The following EIF2A variants were observed in gnomAD, a reference collection of about 807,000 sequenced individuals.
The protein encoded by EIF2A is 65 kDa eukaryotic translation initiation factor 2A.
EIF2A carries 62 observed loss-of-function variants against 75.2 expected under a neutral mutation model. The ratio of observed to expected loss-of-function variants is 0.82; its 90% CI spans 0.67 to 1.02. EIF2A has a LOEUF of 1.02. Ranked by LOEUF, EIF2A falls within the 50% of genes least tolerant of loss-of-function variation. EIF2A has a pLI of 0.00. For missense variants in EIF2A, 611 were observed against 677.7 expected (o/e 0.90, Z 1.09); for synonymous variants, 207 against 239.0 (o/e 0.87, Z 1.23).
At chr3:150,583,176 T>C in intron 12 of EIF2A, 24 bp from the exon 13 acceptor site, 1 of 1,606,022 alleles carries the variant, frequency 6.2e-7, no homozygotes, top group Admixed American at 1.7e-5. Context: ...TTCCATGCTC[T>C]TGACTCATAT....
intron 3 of EIF2A, 172 bp downstream of exon 3, chr3:150,558,634 T>C (rs1723697051): frequency 2.2e-6 from 1 of 450,132 alleles, no homozygotes; most frequent in East Asian, 3.9e-5. Flanking sequence ...TTCATTTCTA[T>C]GTATATGCCA....
intron 11 of EIF2A, among the ~76,000 whole-genome samples, chr3:150,577,592 G>C (rs1019804401): frequency 4.6e-5 from 7 of 151,440 alleles, no homozygotes; most frequent in Non-Finnish European, 1.0e-4. Context: ...GTTTTGGCTT[G>C]GTTTTTTTTT....
chr3:150,580,736 G>A (rs745929384), intron 11 of EIF2A, among the ~76,000 whole-genome samples: 10 of 152,144 alleles, frequency 6.6e-5, no homozygotes, highest in Non-Finnish European at 1.2e-4. Flanking sequence ...TGCACTTTGG[G>A]ACCATTATTA....
chr3:150,571,869 G>A (rs2107948375), intron 9 of EIF2A, 89 bp from the exon 10 acceptor site: 1 of 1,202,244 alleles, frequency 8.3e-7, no homozygotes. Flanking sequence ...TGTTTGATGT[G>A]TTTGTGAGTA....
At chr3:150,563,322 G>C (rs1198416549) in intron 4 of EIF2A, among the ~76,000 whole-genome samples, 193 bp from the exon 5 acceptor site, 1 of 152,108 alleles carries the variant, frequency 6.6e-6, no homozygotes, top group Non-Finnish European at 1.5e-5. Context: ...AAGAGATACT[G>C]AGAATCAGTT....
intron 3 of EIF2A, among the ~76,000 whole-genome samples, chr3:150,561,714 AG>A (rs1559877566): frequency 6.6e-6 from 1 of 152,146 alleles, no homozygotes; most frequent in Non-Finnish European, 1.5e-5. Flanking sequence ...TTTCAGCTGA[AG>A]GTGGAATCAT....
In EIF2A at chr3:150,572,287, T is replaced by A. The variant is rs751318276; in HGVS notation, c.1141T>A (p.Leu381Ile). 1.2e-6 allele frequency: 2 copies of A among 1,613,812 alleles called. No individual in the cohort carries two copies. The highest frequency in any genetic ancestry group is 2.7e-5 in the African/African-American group (2 of 74,928). ...HILTATCAPR[L>I]RVNNGYKIWH... Reference sequence around the variant, plus strand: ...TTTAACAGCTACATGTGCTCCCAGGTTACGGGTTAATAATGGATACAAAAT... The same window carrying A: ...TTTAACAGCTACATGTGCTCCCAGGATACGGGTTAATAATGGATACAAAAT... Residue 381 changes from leucine to isoleucine, a missense_variant, in exon 10 of 14, where the codon TTA becomes ATA. Leu to Ile is a conservative substitution (Grantham distance 5). Coordinates refer to ENST00000460851, the MANE Select transcript of EIF2A (RefSeq NM_032025.5).
intron 8 of EIF2A, 35 bp downstream of exon 8, chr3:150,568,081 A>C: frequency 1.2e-6 from 2 of 1,600,458 alleles, no homozygotes; most frequent in Non-Finnish European, 1.7e-6. Flanking sequence ...CCCTTTGTTT[A>C]TCAGTTGTTA....
chr3:150,548,631 T>A (rs1046779475), intron 1 of EIF2A, among the ~76,000 whole-genome samples: 2 of 152,212 alleles, frequency 1.3e-5, no homozygotes, highest in African/African-American at 4.8e-5. Flanking sequence ...GCAAACCCTA[T>A]TTTGAACTGT....
At chr3:150,551,567 C>A (rs1420554510) in intron 1 of EIF2A, among the ~76,000 whole-genome samples, 14 of 142,172 alleles carry the variant, frequency 9.8e-5, no homozygotes, top group Non-Finnish European at 6.1e-5. Flanking sequence ...TCTGTCTCTA[C>A]AAAAAAAAAA....
chr3:150,583,591 C>T (rs1468915417), intron 13 of EIF2A, among the ~76,000 whole-genome samples: 1 of 152,098 alleles, frequency 6.6e-6, no homozygotes, highest in Admixed American at 6.6e-5. Context: ...TTCCCTCCTC[C>T]TGTCAACATG....
In EIF2A at chr3:150,564,395, T is replaced by C; in HGVS notation, c.475+14T>C. 1 of 1,565,820 alleles carries C rather than the reference T, an allele frequency of 6.4e-7. No individual in the cohort carries two copies. The highest frequency in any genetic ancestry group is 1.2e-5 in the South Asian group (1 of 82,952). ...ACAACAATTTTAGTATGGAAAGATTTATGACATAATTTTATTACTTACTGT... is the reference window on the plus strand; with the variant it reads ...ACAACAATTTTAGTATGGAAAGATTCATGACATAATTTTATTACTTACTGT... On this transcript the variant is annotated intron_variant, in intron 6 of 13. Coordinates refer to ENST00000460851, the MANE Select transcript of EIF2A (RefSeq NM_032025.5).
intron 3 of EIF2A, among the ~76,000 whole-genome samples, chr3:150,562,305 C>T (rs917249085): frequency 2.0e-5 from 3 of 151,740 alleles, no homozygotes; most frequent in African/African-American, 7.3e-5. Flanking sequence ...ACCTGTAGTC[C>T]CAGCTACTTG....
chr3:150,583,821 A>T (rs1203045820), intron 13 of EIF2A, 25 bp from the exon 14 acceptor site: 1 of 1,608,626 alleles, frequency 6.2e-7, no homozygotes, highest in Non-Finnish European at 8.5e-7. Flanking sequence ...TTTCATAATA[A>T]CTTCATTGTT....
At chr3:150,548,865 G>A (rs921089378) in intron 1 of EIF2A, among the ~76,000 whole-genome samples, 1 of 152,152 alleles carries the variant, frequency 6.6e-6, no homozygotes, top group Non-Finnish European at 1.5e-5. Flanking sequence ...ACTGCAAATT[G>A]GCAGGATTAG....
At chr3:150,559,974 T>C (rs1723766521) in intron 3 of EIF2A, among the ~76,000 whole-genome samples, 1 of 152,234 alleles carries the variant, frequency 6.6e-6, no homozygotes, top group African/African-American at 2.4e-5. Flanking sequence ...TAGTTTGTAG[T>C]ATTTGAGTAA....
chr3:150,552,255 A>T, intron 1 of EIF2A, 101 bp from the exon 2 acceptor site: 1 of 903,896 alleles, frequency 1.1e-6, no homozygotes, highest in Non-Finnish European at 1.7e-6. Flanking sequence ...TAATGATTTC[A>T]TTAATATTTT....
At chr3:150,571,856 A>G (rs1724544259) in intron 9 of EIF2A, 102 bp from the exon 10 acceptor site, 2 of 1,029,720 alleles carry the variant, frequency 1.9e-6, no homozygotes, top group East Asian at 2.6e-5. Context: ...AAATTTTTTT[A>G]TCTGTTTGAT....
At chr3:150,562,476 G>A (rs1326998837) in intron 3 of EIF2A, 66 bp from the exon 4 acceptor site, 1 of 1,194,132 alleles carries the variant, frequency 8.4e-7, no homozygotes, top group Non-Finnish European at 1.2e-6. Context: ...AGGTATGAAT[G>A]TTTTGGTTAG....
Sources: gnomAD v4.1 joint callset for allele counts (sites outside exome capture counted in the v4.1 genomes callset) on GRCh38, gnomAD v4.1.1 for gene constraint, MANE v1.5 for transcripts, NCBI Gene and HGNC (gene_info 2026-07-23, HGNC 2026-07-21) for gene names.